ANXA10: variants seen among roughly 807,000 people sequenced by gnomAD.
ANXA10 encodes annexin A10, also known as annexin 14.
In ANXA10, 49 loss-of-function variants were observed where a neutral mutation model predicts 53.5. That is an observed-to-expected ratio of 0.92 (90% confidence interval 0.73 to 1.16). The LOEUF (loss-of-function observed/expected upper bound fraction) is 1.16, where lower values mean the gene tolerates loss of function less well. Ranked by LOEUF, ANXA10 falls within the 50% of genes most tolerant of loss-of-function variation. The pLI is 0.00. For missense variants in ANXA10, 393 were observed against 394.4 expected (o/e 1.00, Z 0.03); for synonymous variants, 131 against 128.9 (o/e 1.02, Z -0.11).
intron 1 of ANXA10, among the ~76,000 whole-genome samples, chr4:168,106,541 T>A (rs1730722257): frequency 6.6e-6 from 1 of 152,106 alleles, no homozygotes; most frequent in South Asian, 2.1e-4. Flanking sequence ...GAAATACATA[T>A]CTCATTAATC....
chr4:168,142,573 T>A (rs1372358054), intron 3 of ANXA10, among the ~76,000 whole-genome samples: 1 of 152,182 alleles, frequency 6.6e-6, no homozygotes. Flanking sequence ...TCACAGTAAC[T>A]AATGACACAT....
chr4:168,109,021 T>C (rs1405251860), intron 1 of ANXA10, among the ~76,000 whole-genome samples: 1 of 152,226 alleles, frequency 6.6e-6, no homozygotes, highest in Non-Finnish European at 1.5e-5. Context: ...AATCTGTTCT[T>C]CACTTTGGAA....
intron 11 of ANXA10, among the ~76,000 whole-genome samples, chr4:168,186,285 A>G (rs1268038442): frequency 6.6e-6 from 1 of 152,240 alleles, no homozygotes; most frequent in East Asian, 1.9e-4. Flanking sequence ...TAGAAATTAT[A>G]GAAGACCATT....
chr4:168,132,675 A>G (rs1026985904), intron 2 of ANXA10, among the ~76,000 whole-genome samples: 13 of 152,080 alleles, frequency 8.5e-5, no homozygotes, highest in African/African-American at 3.1e-4. Flanking sequence ...GGGATGGATA[A>G]CCCATTCTTC....
chr4:168,144,923 G>C (rs890856937), intron 3 of ANXA10, among the ~76,000 whole-genome samples: 1 of 152,192 alleles, frequency 6.6e-6, no homozygotes, highest in African/African-American at 2.4e-5. Context: ...TTCACACAGA[G>C]TCAGCTGTAC....
intron 6 of ANXA10, among the ~76,000 whole-genome samples, chr4:168,169,800 A>G (rs1731949594): frequency 6.6e-6 from 1 of 152,208 alleles, no homozygotes; most frequent in African/African-American, 2.4e-5. Context: ...GTAAAATGTC[A>G]ACGATCAAAA....
At chr4:168,111,959 T>C (rs1730815765) in intron 1 of ANXA10, among the ~76,000 whole-genome samples, 1 of 152,124 alleles carries the variant, frequency 6.6e-6, no homozygotes, top group African/African-American at 2.4e-5. Context: ...ATAAGCACAA[T>C]AGACTTCAAG....
At chr4:168,109,285 G>C (rs1482365096) in intron 1 of ANXA10, among the ~76,000 whole-genome samples, 1 of 152,042 alleles carries the variant, frequency 6.6e-6, no homozygotes, top group Non-Finnish European at 1.5e-5. Flanking sequence ...TATTTATTCA[G>C]CAAAAATTTT....
intron 6 of ANXA10, 77 bp downstream of exon 6, chr4:168,165,403 A>T: frequency 4.0e-6 from 3 of 757,240 alleles, no homozygotes; most frequent in Non-Finnish European, 4.0e-6. Context: ...AAAAAAAAAA[A>T]AAATAGAACA....
At chr4:168,116,996 G>GACACACACACACACACACACAC (rs9312272) in intron 1 of ANXA10, among the ~76,000 whole-genome samples, 11 of 151,130 alleles carry the variant, frequency 7.3e-5, no homozygotes, top group South Asian at 2.1e-4. Flanking sequence ...TTTTCACACA[G>GACACACACACACACACACACAC]ACACACACAC....
intron 2 of ANXA10, among the ~76,000 whole-genome samples, chr4:168,128,482 T>C (rs1181923939): frequency 6.6e-6 from 1 of 152,194 alleles, no homozygotes; most frequent in East Asian, 1.9e-4. Flanking sequence ...GCATTCTTTT[T>C]AACCTTTGCT....
At chr4:168,140,611 G>T (rs1731309033) in intron 3 of ANXA10, among the ~76,000 whole-genome samples, 1 of 148,012 alleles carries the variant, frequency 6.8e-6, no homozygotes, top group Admixed American at 6.7e-5. Context: ...AGTGCTATAA[G>T]AAATGTCTTT....
At chr4:168,114,520 A>G (rs1730860001) in intron 1 of ANXA10, among the ~76,000 whole-genome samples, 2 of 152,170 alleles carry the variant, frequency 1.3e-5, no homozygotes, top group Admixed American at 1.3e-4. Context: ...TTTTTTAGCA[A>G]TTTTTAAAAC....
At position 168,177,472 on chromosome 4, in the gene ANXA10, T is replaced by C. The variant is rs536335155; in HGVS notation, c.481-268T>C. 4.6e-5 allele frequency among the ~76,000 whole-genome samples: 7 copies of C among 152,278 alleles called. No homozygotes were observed. The South Asian group carries it at 1.2e-3, about 27-fold the overall frequency. On this transcript the variant is annotated intron_variant, in intron 6 of 11. Transcript: ENST00000359299. ...AAGGGAGAAGATACTGCACAGAGAC[T>C]TGGAAAACTGAAAAATGCCTAAATG...
intron 1 of ANXA10, among the ~76,000 whole-genome samples, chr4:168,111,787 G>A (rs1021185257): frequency 2.0e-5 from 3 of 152,002 alleles, no homozygotes; most frequent in African/African-American, 7.3e-5. Flanking sequence ...TTTATTTGGG[G>A]CACAGATATG....
intron 3 of ANXA10, among the ~76,000 whole-genome samples, chr4:168,157,822 C>CAT (rs1195253400): frequency 1.3e-5 from 2 of 152,064 alleles, no homozygotes; most frequent in African/African-American, 4.8e-5. Context: ...TTTTCTAGTG[C>CAT]ATATATATAC....
intron 3 of ANXA10, 45 bp downstream of exon 3, chr4:168,139,625 G>C: frequency 6.9e-7 from 1 of 1,449,150 alleles, no homozygotes; most frequent in Non-Finnish European, 9.6e-7. Context: ...AATCTCTTGA[G>C]AACTAACCAC....
intron 1 of ANXA10, among the ~76,000 whole-genome samples, chr4:168,123,091 C>G (rs891853459): frequency 6.6e-6 from 1 of 152,080 alleles, no homozygotes; most frequent in Admixed American, 6.5e-5. Flanking sequence ...CAGGAAACCA[C>G]GTAGGTTTTT....
intron 3 of ANXA10, among the ~76,000 whole-genome samples, chr4:168,146,543 T>C (rs1210080702): frequency 6.6e-6 from 1 of 152,158 alleles, no homozygotes; most frequent in African/African-American, 2.4e-5. Flanking sequence ...GTCAGAAACA[T>C]AGAATGCTTT....
Sources: allele counts gnomAD v4.1 joint callset (sites outside exome capture counted in the v4.1 genomes callset), GRCh38; gene constraint gnomAD v4.1.1; transcripts MANE v1.5; gene names NCBI Gene and HGNC (gene_info 2026-07-23, HGNC 2026-07-21).